Variants in GRIK2 observed in about 807,000 individuals in gnomAD.
GRIK2 encodes glutamate ionotropic receptor kainate type subunit 2.
In GRIK2, 32 loss-of-function variants were observed where a neutral mutation model predicts 100.3. The ratio of observed to expected loss-of-function variants is 0.32; its 90% confidence interval spans 0.24 to 0.43. The LOEUF (loss-of-function observed/expected upper bound fraction) is 0.43. Ranked by LOEUF, GRIK2 falls within the 20% of genes least tolerant of loss-of-function variation. The pLI is 1.00. For missense variants in GRIK2, 843 were observed against 1,114.9 expected, an observed-to-expected ratio of 0.76 and a Z score of 3.47; for synonymous variants, 417 against 389.4, an observed-to-expected ratio of 1.07 and a Z score of -0.83.
At chr6:102,034,507 G>A (rs749072687) in intron 14 of GRIK2, among the ~76,000 whole-genome samples, 1 of 151,188 alleles carries the variant, frequency 6.6e-6, no homozygotes. Flanking sequence ...TGATGATAAG[G>A]GTTTCACAGA....
intron 16 of GRIK2, among the ~76,000 whole-genome samples, chr6:102,065,542 A>G (rs147828992): frequency 8.4e-4 from 127 of 151,448 alleles, no homozygotes; most frequent in Non-Finnish European, 1.6e-3. Context: ...CTCCCTTACT[A>G]TAGGCAAATT....
chr6:101,471,358 G>A (rs554485717), intron 2 of GRIK2, among the ~76,000 whole-genome samples: 2 of 152,052 alleles, frequency 1.3e-5, no homozygotes, highest in African/African-American at 4.8e-5. Flanking sequence ...ATCAATGTTC[G>A]TCACGTGCCA....
At chr6:102,049,113 C>T (rs558467984) in intron 15 of GRIK2, among the ~76,000 whole-genome samples, 1 of 152,062 alleles carries the variant, frequency 6.6e-6, no homozygotes, top group South Asian at 2.1e-4. Context: ...TGCAAATAGA[C>T]TTCAAAGCCA....
At chr6:101,639,927 C>T (rs1346843996) in intron 4 of GRIK2, among the ~76,000 whole-genome samples, 1 of 152,122 alleles carries the variant, frequency 6.6e-6, no homozygotes, top group African/African-American at 2.4e-5. Context: ...CTAATAATAT[C>T]TTGTTACAAA....
intron 12 of GRIK2, chr6:101,891,516 C>CAAAAAAAAAA (rs5878701): frequency 2.5e-5 from 5 of 198,366 alleles, no homozygotes; most frequent in African/African-American, 1.9e-4. Context: ...GACTCCATCT[C>CAAAAAAAAAA]AAAAAAAAAA....
intron 5 of GRIK2, among the ~76,000 whole-genome samples, chr6:101,677,056 A>T (rs1770894244): frequency 1.3e-5 from 2 of 152,116 alleles, no homozygotes; most frequent in East Asian, 3.9e-4. Context: ...CTGTTGGTTA[A>T]TGAGATAGTT....
intron 10 of GRIK2, among the ~76,000 whole-genome samples, chr6:101,839,230 G>A (rs1783347951): frequency 6.6e-6 from 1 of 152,148 alleles, no homozygotes; most frequent in Non-Finnish European, 1.5e-5. Context: ...CTTTGGTTGG[G>A]TGCCAGTAGA....
intron 12 of GRIK2, among the ~76,000 whole-genome samples, chr6:101,923,924 C>CAA (rs1562489944): frequency 5.3e-5 from 6 of 112,224 alleles, no homozygotes; most frequent in African/African-American, 2.5e-4. Flanking sequence ...GATTCTGTCT[C>CAA]CAAAAAAAAA....
In GRIK2 at chr6:101,798,395, T is replaced by C. The variant is rs185554667; in HGVS notation, c.952-1253T>C. On this transcript the variant is annotated intron_variant, in intron 7 of 16. Transcript: ENST00000369134. The stretch of plus-strand genomic sequence containing the variant: ...ACTACTAGTTTTCACTATGCATCCT[T>C]CAGGGTATGTGAAAATAGTCAGTAG... Among the ~76,000 whole-genome samples the C allele has an allele frequency of 3.9e-5, 6 of 152,182 alleles. No homozygotes were observed. In the East Asian group the frequency reaches 9.7e-4, roughly 25 times the overall value.
At chr6:101,557,293 C>T (rs561349941) in intron 2 of GRIK2, among the ~76,000 whole-genome samples, 7 of 152,200 alleles carry the variant, frequency 4.6e-5, no homozygotes, top group East Asian at 1.9e-4. Flanking sequence ...TCTCAATCAG[C>T]GTAAGATCCT....
Position 101,646,483 on chromosome 6 carries a change from T to C in GRIK2, c.541+19846T>C, listed in dbSNP as rs186453786. Among the ~76,000 whole-genome samples the C allele has an allele frequency of 3.9e-5, 6 of 152,072 alleles. No homozygotes were observed. The East Asian group carries it at 1.2e-3, about 29-fold the overall frequency. On this transcript the variant is annotated intron_variant, in intron 4 of 16. Coordinates refer to ENST00000369134, the MANE Select transcript of GRIK2 (RefSeq NM_021956.5). ...TTATGAAAATATGTATTATCTTGACTATGGTAATTATATCATAATGTCAAA... is the reference window on the plus strand; with the variant it reads ...TTATGAAAATATGTATTATCTTGACCATGGTAATTATATCATAATGTCAAA...
At chr6:101,870,913 C>A (rs1001214267) in intron 11 of GRIK2, among the ~76,000 whole-genome samples, 1 of 151,788 alleles carries the variant, frequency 6.6e-6, no homozygotes, top group Non-Finnish European at 1.5e-5. Context: ...TTTGAGAGCA[C>A]GTGTTCTGAA....
At chr6:102,014,770 C>A (rs925596446) in intron 14 of GRIK2, among the ~76,000 whole-genome samples, 6 of 152,066 alleles carry the variant, frequency 3.9e-5, no homozygotes, top group Non-Finnish European at 8.8e-5. Flanking sequence ...GTCTTGAATT[C>A]TATTTTATTG....
At chr6:101,941,436 T>G (rs1333608251) in intron 14 of GRIK2, among the ~76,000 whole-genome samples, 1 of 152,030 alleles carries the variant, frequency 6.6e-6, no homozygotes, top group African/African-American at 2.4e-5. Flanking sequence ...TTTTAAGATA[T>G]TAAACTGGTC....
At chr6:101,649,295 C>T (rs940595433) in intron 4 of GRIK2, among the ~76,000 whole-genome samples, 1 of 152,070 alleles carries the variant, frequency 6.6e-6, no homozygotes, top group African/African-American at 2.4e-5. Flanking sequence ...CCTCAATCCC[C>T]TCAGGAAGTA....
chr6:101,748,327 A>C (rs546185963), intron 7 of GRIK2, among the ~76,000 whole-genome samples: 97 of 152,258 alleles, frequency 6.4e-4, no homozygotes, highest in African/African-American at 2.3e-3. Context: ...CAAAACAGAT[A>C]ATTAAATAAA....
At chr6:101,661,893 C>G (rs929915222) in intron 4 of GRIK2, among the ~76,000 whole-genome samples, 15 of 152,140 alleles carry the variant, frequency 9.9e-5, no homozygotes, top group Admixed American at 9.2e-4. Flanking sequence ...GAGCTGCAGA[C>G]CGGAGCTGTT....
At chr6:101,608,033 A>G (rs1288288013) in intron 2 of GRIK2, among the ~76,000 whole-genome samples, 1 of 130,764 alleles carries the variant, frequency 7.6e-6, no homozygotes, top group African/African-American at 3.0e-5. Flanking sequence ...TTATTTTAAA[A>G]TTATTTAAAA....
At chr6:101,560,175 C>T (rs72959120) in intron 2 of GRIK2, among the ~76,000 whole-genome samples, 5 of 151,976 alleles carry the variant, frequency 3.3e-5, no homozygotes, top group East Asian at 1.9e-4. Context: ...GAGCATCACT[C>T]GCCTCCATCA....
Sources: allele counts gnomAD v4.1 joint callset (sites outside exome capture counted in the v4.1 genomes callset), GRCh38; gene constraint gnomAD v4.1.1; transcripts MANE v1.5; gene names NCBI Gene and HGNC (gene_info 2026-07-23, HGNC 2026-07-21).